Variants in RBM41 observed in about 807,000 individuals in gnomAD.
The protein encoded by RBM41 is RNA binding motif protein 41, also known as RNA-binding protein 41.
A neutral mutation model predicts 30.8 loss-of-function variants in RBM41; 14 were observed. The observed-to-expected ratio is 0.45, with a 90% CI of 0.30 to 0.71. The LOEUF (loss-of-function observed/expected upper bound fraction) is 0.71. Ranked by LOEUF, RBM41 falls within the 30% of genes least tolerant of loss-of-function variation. The pLI is 0.08. For synonymous variants in RBM41, 120 were observed against 110.1 expected, an observed-to-expected ratio of 1.09 and a Z score of -0.56; for missense variants, 276 against 326.3, an observed-to-expected ratio of 0.85 and a Z score of 1.19.
chrX:107,099,727 A>G (rs1345098424), intron 5 of RBM41, among the ~76,000 whole-genome samples: 2 of 109,859 alleles, frequency 1.8e-5, no homozygotes, highest in Non-Finnish European at 3.8e-5. Context: ...ACACACACAC[A>G]CGAACACGAA....
intron 6 of RBM41, among the ~76,000 whole-genome samples, chrX:107,078,428 C>T (rs1921188258): frequency 9.0e-6 from 1 of 111,421 alleles, no homozygotes; most frequent in Non-Finnish European, 1.9e-5. Context: ...TACTCAATCA[C>T]TTATTTATAT....
chrX:107,059,091 T>G (rs1935606905), downstream of RBM41, among the ~76,000 whole-genome samples: 1 of 111,633 alleles, frequency 9.0e-6, no homozygotes, highest in African/African-American at 3.3e-5. Flanking sequence ...CCCAATGGCA[T>G]CTTAGAGAAT....
Position 107,105,653 on chromosome X carries a change from CT to C in RBM41, c.595+7743del, listed in dbSNP as rs954063622. ...CTACAGTAACCAAAACAGCATGGTACTGGTACCAAAACAGAGATATAGACCA... is the reference window on the plus strand; with the variant it reads ...CTACAGTAACCAAAACAGCATGGTACGGTACCAAAACAGAGATATAGACCA... On this transcript the variant is annotated intron_variant, in intron 5 of 7. Coordinates refer to ENST00000685964, the MANE Select transcript of RBM41 (RefSeq NM_001324242.2). Among the ~76,000 whole-genome samples, 7 of 111,471 alleles carry C rather than the reference CT, an allele frequency of 6.3e-5. No homozygotes were observed. The Admixed American group carries it at 6.7e-4, about 11-fold the overall frequency.
chrX:107,102,368 C>T (rs1923542041), intron 5 of RBM41, among the ~76,000 whole-genome samples: 1 of 111,497 alleles, frequency 9.0e-6, no homozygotes, highest in Non-Finnish European at 1.9e-5. Context: ...GGGGACAACA[C>T]TTGATGATTG....
intron 6 of RBM41, among the ~76,000 whole-genome samples, chrX:107,087,390 T>C (rs1450368350): frequency 9.7e-6 from 1 of 102,757 alleles, no homozygotes; most frequent in Admixed American, 9.8e-5. Flanking sequence ...GAATGATTTT[T>C]TTTTAATTCA....
intron 5 of RBM41, among the ~76,000 whole-genome samples, chrX:107,093,440 A>G (rs780721893): frequency 8.9e-6 from 1 of 112,280 alleles, no homozygotes; most frequent in Admixed American, 9.4e-5. Flanking sequence ...ACTGTAAGAA[A>G]CGGGAAAACA....
At chrX:107,085,815 A>T (rs1447995189) in intron 6 of RBM41, among the ~76,000 whole-genome samples, 2 of 111,193 alleles carry the variant, frequency 1.8e-5, no homozygotes, top group South Asian at 3.8e-4. Context: ...CCTTAAAATG[A>T]TTCAAAAAGC....
chrX:107,069,272 G>A lies in RBM41; in HGVS notation c.1130C>T (p.Ala377Val), dbSNP rs935308442. 1 of 1,206,709 alleles carries A rather than the reference G, an allele frequency of 8.3e-7. No individual in the cohort carries two copies. The highest frequency in any genetic ancestry group is 2.2e-5 in the Admixed American group (1 of 45,179). The change falls in exon 7 of 8, where the codon GCT becomes GTT. Residue 377 changes from alanine to valine, a missense_variant. Ala to Val is a moderately conservative substitution (Grantham distance 64). Coordinates refer to ENST00000685964, the MANE Select transcript of RBM41 (RefSeq NM_001324242.2). ...CTACTTACTGGGAAAGGTGATAAAA[G>A]CCTGGCCCCTCATTCGTCCAGTCAT... ...RMMTGRMRGQ[A>V]FITFPNKEIA...
chrX:107,111,272 A>C (rs923355436), intron 5 of RBM41, among the ~76,000 whole-genome samples: 1 of 111,915 alleles, frequency 8.9e-6, no homozygotes, highest in Non-Finnish European at 1.9e-5. Context: ...ACAAATGGCC[A>C]AAAAGCATGT....
intron 2 of RBM41, 165 bp from the exon 3 acceptor site, chrX:107,116,219 G>C (rs1353683813): frequency 3.1e-6 from 3 of 979,024 alleles, no homozygotes; most frequent in African/African-American, 2.0e-5. Context: ...ACTCCATCGA[G>C]AGTGCCGTCA....
chrX:107,058,885 G>A (rs1241776303), downstream of RBM41, among the ~76,000 whole-genome samples: 1 of 111,048 alleles, frequency 9.0e-6, no homozygotes, highest in African/African-American at 3.3e-5. Context: ...CAGAGAGACA[G>A]CACTCTTGGG....
intron 4 of RBM41, among the ~76,000 whole-genome samples, chrX:107,113,770 T>C (rs1924683051): frequency 8.9e-6 from 1 of 112,039 alleles, no homozygotes; most frequent in African/African-American, 3.2e-5. Flanking sequence ...TAAATGTCTC[T>C]CCACAAAAGG....
intron 5 of RBM41, among the ~76,000 whole-genome samples, chrX:107,112,586 G>A (rs769642238): frequency 5.0e-4 from 56 of 111,529 alleles, no homozygotes; most frequent in Non-Finnish European, 9.3e-4. Context: ...GTACAAGAAC[G>A]TTCATATCAA....
chrX:107,052,865 G>A, the RBM41 span, among the ~76,000 whole-genome samples: 15 of 111,961 alleles, frequency 1.3e-4, no homozygotes, highest in African/African-American at 4.9e-4. Context: ...CATTGTATTC[G>A]ATCTCGAATT....
rs1051361290 is a variant in RBM41, at chrX:107,098,297, T to C, written c.596-9458A>G. Among the ~76,000 whole-genome samples, 4 of 111,845 alleles carry C rather than the reference T, an allele frequency of 3.6e-5. No individual in the cohort carries two copies. The East Asian group carries it at 1.1e-3, about 31-fold the overall frequency. On this transcript the variant is annotated intron_variant, in intron 5 of 7. Coordinates refer to ENST00000685964, the MANE Select transcript of RBM41 (RefSeq NM_001324242.2). Reference sequence around the variant, plus strand: ...AGGTATGTGTGCATGTGTAACTTCATAGATTTTCAAATTTACATGGAAAGG... The same window carrying C: ...AGGTATGTGTGCATGTGTAACTTCACAGATTTTCAAATTTACATGGAAAGG...
downstream of RBM41, among the ~76,000 whole-genome samples, chrX:107,057,318 T>C (rs1158413146): frequency 9.0e-6 from 1 of 111,263 alleles, no homozygotes. Flanking sequence ...TTTAAAAATA[T>C]GCATTTGAGC....
At chrX:107,115,585 A>G (rs1237529601) in intron 3 of RBM41, 29 bp from the exon 4 acceptor site, 1 of 1,142,496 alleles carries the variant, frequency 8.8e-7, no homozygotes, top group East Asian at 3.0e-5. Context: ...GATGGCATGT[A>G]TCATAGAGGG....
chrX:107,057,253 A>G (rs932091289), downstream of RBM41, among the ~76,000 whole-genome samples: 2 of 111,036 alleles, frequency 1.8e-5, no homozygotes, highest in African/African-American at 6.6e-5. Context: ...TAAGGTGTAA[A>G]GCTGGGTTAT....
intron 5 of RBM41, among the ~76,000 whole-genome samples, chrX:107,099,683 T>C (rs1923279997): frequency 1.1e-5 from 1 of 91,606 alleles, no homozygotes; most frequent in Non-Finnish European, 2.1e-5. Context: ...AATGACATCC[T>C]GAAAGGTACA....
Sources: gnomAD v4.1 joint callset for allele counts (sites outside exome capture counted in the v4.1 genomes callset) on GRCh38, gnomAD v4.1.1 for gene constraint, MANE v1.5 for transcripts, NCBI Gene and HGNC (gene_info 2026-07-23, HGNC 2026-07-21) for gene names.